NFAT5: variants seen among roughly 807,000 people sequenced by gnomAD.
NFAT5 encodes nuclear factor of activated T-cells 5.
A neutral mutation model predicts 166.5 loss-of-function variants in NFAT5; 31 were observed. That is an observed-to-expected ratio of 0.19 (90% CI 0.14 to 0.25). The LOEUF is 0.25. NFAT5 is among the 10% of genes least tolerant of loss of function. The probability of loss-of-function intolerance (pLI) is 1.00; values close to 1 mark genes in which losing one functional copy is unlikely to be tolerated. For missense variants in NFAT5, 1,449 were observed against 1,821.8 expected, an observed-to-expected ratio of 0.80 and a Z score of 3.72; for synonymous variants, 612 against 639.7, an observed-to-expected ratio of 0.96 and a Z score of 0.65.
intron 2 of NFAT5, among the ~76,000 whole-genome samples, chr16:69,621,294 C>T (rs1176045211): frequency 1.3e-5 from 2 of 151,734 alleles, no homozygotes; most frequent in African/African-American, 2.4e-5. Flanking sequence ...AATTTACATA[C>T]TATAAAGGTT....
intron 2 of NFAT5, among the ~76,000 whole-genome samples, chr16:69,602,872 A>G (rs770012348): frequency 6.6e-6 from 1 of 151,854 alleles, no homozygotes; most frequent in Admixed American, 6.6e-5. Context: ...CAGCCTCACA[A>G]AGTGCTGGGA....
At chr16:69,655,235 T>TG (rs769175776) in intron 5 of NFAT5, among the ~76,000 whole-genome samples, 5 of 152,192 alleles carry the variant, frequency 3.3e-5, no homozygotes, top group African/African-American at 4.8e-5. Context: ...TTGATGATGA[T>TG]GATGATGCCA....
chr16:69,649,340 G>A (rs993282857), intron 4 of NFAT5: 44 of 970,934 alleles, frequency 4.5e-5, no homozygotes, highest in Non-Finnish European at 5.3e-5. Context: ...TTCAAATTTA[G>A]AGCAAATAGA....
chr16:69,636,178 C>G lies in NFAT5; in HGVS notation c.253+9650C>G, dbSNP rs1361253817. ...AAATTTTAAAGCTCCAAAATGATCTCCTTTGAATCCAGGTCTCATAACCAG... is the reference window on the plus strand; with the variant it reads ...AAATTTTAAAGCTCCAAAATGATCTGCTTTGAATCCAGGTCTCATAACCAG... On this transcript the variant is annotated intron_variant, in intron 3 of 14. Transcript: ENST00000349945. Among the ~76,000 whole-genome samples, 2 of 152,166 alleles carry G rather than the reference C, an allele frequency of 1.3e-5. 1 individual carries two copies. Among genetic ancestry groups the G allele is most frequent in the Middle Eastern group, 6.3e-3 (2 of 316 alleles).
At chr16:69,690,058 A>T (rs1048226898) in intron 11 of NFAT5, among the ~76,000 whole-genome samples, 3 of 152,230 alleles carry the variant, frequency 2.0e-5, no homozygotes, top group Non-Finnish European at 4.4e-5. Context: ...TATGTGCTCA[A>T]CTCAGAAGAC....
chr16:69,598,407 T>C (rs1055502587), intron 2 of NFAT5, among the ~76,000 whole-genome samples: 2 of 150,160 alleles, frequency 1.3e-5, no homozygotes, highest in African/African-American at 2.4e-5. Context: ...AAAAAAGATA[T>C]TTGGGAAAGT....
chr16:69,684,231 C>T (rs1472509551), intron 10 of NFAT5, among the ~76,000 whole-genome samples: 3 of 142,744 alleles, frequency 2.1e-5, no homozygotes, highest in African/African-American at 7.9e-5. Context: ...TGCACTCCTC[C>T]TGGGCGACCT....
intron 2 of NFAT5, among the ~76,000 whole-genome samples, chr16:69,572,166 A>G (rs1350911557): frequency 1.3e-5 from 2 of 152,142 alleles, no homozygotes; most frequent in Non-Finnish European, 2.9e-5. Flanking sequence ...CTTTCTTGCA[A>G]CCTCTTTTTA....
rs2037776154 is a variant in NFAT5, at chr16:69,696,663, T to G, written c.*312T>G. The G allele has an allele frequency of 6.6e-6, 1 of 152,646 alleles. No homozygotes were observed. Among genetic ancestry groups the G allele is most frequent in the Admixed American group, 6.5e-5 (1 of 15,276 alleles). 9.5% of individuals were successfully genotyped at this position (152,646 alleles called of 1,614,324 possible). A position where few individuals can be genotyped will look rare whatever the true frequency, so the allele number is the denominator to read the frequency against. The stretch of plus-strand genomic sequence containing the variant: ...ATTTCCTTAAACGTACAGTTTAAAT[T>G]CAAGGCTGGACCACTCAGTTATTAT... On this transcript the variant is annotated 3_prime_UTR_variant, in exon 15 of 15. Transcript: ENST00000349945.
chr16:69,627,997 G>GT (rs1382314468), intron 3 of NFAT5, among the ~76,000 whole-genome samples: 1 of 152,060 alleles, frequency 6.6e-6, no homozygotes, highest in Non-Finnish European at 1.5e-5. Context: ...TTTTGAGATT[G>GT]TTTTTTAAAG....
At chr16:69,599,123 A>G (rs72801328) in intron 2 of NFAT5, among the ~76,000 whole-genome samples, 8,961 of 152,142 alleles carry the variant, frequency 0.059, 290 homozygotes, top group Middle Eastern at 0.11. Context: ...AGGTTGGAGA[A>G]TGACTGCTAA....
intron 3 of NFAT5, among the ~76,000 whole-genome samples, chr16:69,637,173 C>G (rs1005063846): frequency 6.6e-6 from 1 of 152,164 alleles, no homozygotes; most frequent in Non-Finnish European, 1.5e-5. Flanking sequence ...GTCACCTTTA[C>G]TCCAGTTTCC....
chr16:69,575,744 G>A (rs1002835196), intron 2 of NFAT5, among the ~76,000 whole-genome samples: 1 of 152,206 alleles, frequency 6.6e-6, no homozygotes, highest in Admixed American at 6.5e-5. Context: ...TTCAGTGTTA[G>A]TAATAATTGA....
At chr16:69,588,812 A>C (rs961597294) in intron 2 of NFAT5, among the ~76,000 whole-genome samples, 2 of 152,138 alleles carry the variant, frequency 1.3e-5, no homozygotes, top group African/African-American at 4.8e-5. Context: ...ATTGCCTAGA[A>C]GAGAGAACCC....
At chr16:69,629,750 C>T (rs1279836598) in intron 3 of NFAT5, among the ~76,000 whole-genome samples, 3 of 148,758 alleles carry the variant, frequency 2.0e-5, no homozygotes, top group Admixed American at 6.8e-5. Context: ...AATAAGTGCA[C>T]ACTACCACAC....
chr16:69,589,716 A>T (rs1457256872), intron 2 of NFAT5, among the ~76,000 whole-genome samples: 1 of 151,778 alleles, frequency 6.6e-6, no homozygotes, highest in Non-Finnish European at 1.5e-5. Flanking sequence ...CAAGAATTTT[A>T]AAAAAAGAGA....
At chr16:69,573,320 G>A (rs1233148728) in intron 2 of NFAT5, among the ~76,000 whole-genome samples, 2 of 151,932 alleles carry the variant, frequency 1.3e-5, no homozygotes. Context: ...CCTAAACATA[G>A]TAGCAATGTT....
intron 4 of NFAT5, 94 bp from the exon 5 acceptor site, chr16:69,653,142 G>A (rs772184022): frequency 9.0e-6 from 7 of 778,522 alleles, no homozygotes; most frequent in Non-Finnish European, 1.2e-5. Flanking sequence ...TACTATTATT[G>A]CCAGTTCTGT....
chr16:69,659,965 A>G, intron 7 of NFAT5, 66 bp downstream of exon 7: 1 of 1,330,028 alleles, frequency 7.5e-7, no homozygotes, highest in Non-Finnish European at 1.0e-6. Flanking sequence ...AATCTTTTAG[A>G]CATCTCTAAA....
Sources: allele counts gnomAD v4.1 joint callset (sites outside exome capture counted in the v4.1 genomes callset), GRCh38; gene constraint gnomAD v4.1.1; transcripts MANE v1.5; gene names NCBI Gene and HGNC (gene_info 2026-07-23, HGNC 2026-07-21).